Variants in ZFHX3 observed in about 807,000 individuals in gnomAD.
The protein encoded by ZFHX3 is zinc finger homeobox protein 3.
Under a neutral mutation model 279.1 loss-of-function variants are expected in ZFHX3, and 42 were observed. The ratio of observed to expected loss-of-function variants is 0.15; its 90% CI spans 0.12 to 0.19. The LOEUF is 0.19. ZFHX3 is among the 10% of genes least tolerant of loss of function. ZFHX3 has a pLI of 1.00. For missense variants in ZFHX3, 4,981 were observed against 4,754.0 expected (o/e 1.05, Z -1.40); for synonymous variants, 2,293 against 1,957.8 (o/e 1.17, Z -4.52).
intron 3 of ZFHX3, among the ~76,000 whole-genome samples, chr16:72,936,055 C>T (rs1049960627): frequency 6.6e-6 from 1 of 152,184 alleles, no homozygotes; most frequent in African/African-American, 2.4e-5. Flanking sequence ...TAATTTGACA[C>T]CAGCTGCATG....
chr16:72,909,777 C>T (rs1007156325), intron 3 of ZFHX3, among the ~76,000 whole-genome samples: 3 of 148,188 alleles, frequency 2.0e-5, no homozygotes, highest in African/African-American at 7.5e-5. Flanking sequence ...ACTTGGAGGG[C>T]TGAGGCAGGA....
intron 5 of ZFHX3, among the ~76,000 whole-genome samples, chr16:73,164,830 C>T (rs1262638571): frequency 6.6e-6 from 1 of 152,054 alleles, no homozygotes; most frequent in Non-Finnish European, 1.5e-5. Flanking sequence ...ACAATGACTT[C>T]AAGAAGTAGG....
At chr16:73,205,112 T>A (rs1007581919) in intron 5 of ZFHX3, among the ~76,000 whole-genome samples, 1 of 152,172 alleles carries the variant, frequency 6.6e-6, no homozygotes, top group Non-Finnish European at 1.5e-5. Flanking sequence ...GGACTCCAAG[T>A]GACCCTGATT....
intron 1 of ZFHX3, among the ~76,000 whole-genome samples, chr16:73,695,638 G>A (rs1479650937): frequency 2.0e-5 from 3 of 152,188 alleles, no homozygotes; most frequent in African/African-American, 4.8e-5. Flanking sequence ...TTTATTAGCA[G>A]CTTTGTCATT....
At chr16:73,597,587 A>G (rs1483937039) in intron 2 of ZFHX3, among the ~76,000 whole-genome samples, 4 of 152,306 alleles carry the variant, frequency 2.6e-5, no homozygotes, top group Middle Eastern at 3.4e-3. Context: ...GGCCATGAGA[A>G]CACACAGAGA....
At chr16:73,517,589 A>G (rs982558495) in intron 2 of ZFHX3, among the ~76,000 whole-genome samples, 7 of 152,244 alleles carry the variant, frequency 4.6e-5, no homozygotes, top group Admixed American at 3.3e-4. Flanking sequence ...GCAAAGAGTG[A>G]AACCACAATG....
chr16:73,724,342 G>A (rs957032901), intron 1 of ZFHX3, among the ~76,000 whole-genome samples: 1 of 152,204 alleles, frequency 6.6e-6, no homozygotes, highest in African/African-American at 2.4e-5. Context: ...ACTAGAACAA[G>A]ATTTGCAAAC....
intron 7 of ZFHX3, chr16:72,809,529 A>T (rs2036375415): frequency 6.6e-6 from 1 of 150,722 alleles, no homozygotes; most frequent in Non-Finnish European, 1.5e-5. Flanking sequence ...CAGAAAGTTA[A>T]TTTAACTTCA....
At chr16:73,226,797 A>C (rs924478954) in intron 5 of ZFHX3, among the ~76,000 whole-genome samples, 4 of 152,184 alleles carry the variant, frequency 2.6e-5, no homozygotes, top group Non-Finnish European at 4.4e-5. Flanking sequence ...CTTTGATTGC[A>C]CTGTTCATTC....
intron 3 of ZFHX3, among the ~76,000 whole-genome samples, chr16:73,352,456 TTCTC>T (rs561312963): frequency 0.097 from 13,010 of 134,142 alleles, 1,058 homozygotes; most frequent in Middle Eastern, 0.12. Flanking sequence ...AGCCTTTGGT[TTCTC>T]TCTCTCTCTC....
intron 2 of ZFHX3, among the ~76,000 whole-genome samples, chr16:73,642,035 G>A (rs1042048854): frequency 6.6e-6 from 1 of 151,988 alleles, no homozygotes; most frequent in Non-Finnish European, 1.5e-5. Flanking sequence ...TGTGAGGGAC[G>A]CTTCCACCAA....
At position 73,485,122 on chromosome 16, in the gene ZFHX3, G is replaced by A. The variant is rs144759402; in HGVS notation, c.-1546-28864C>T. Among the ~76,000 whole-genome samples the A allele has an allele frequency of 4.5e-3, 685 of 152,314 alleles. 3 individuals are homozygous for A. The highest frequency in any genetic ancestry group is 7.0e-3 in the Non-Finnish European group (479 of 68,014). On this transcript the variant is annotated intron_variant, in intron 2 of 17. Transcript: ENST00000641206. ...AATTAACAAAAATAGGAGGAGGACT[G>A]AAAATAGATCAGGTCATAGCAAAGT...
intron 2 of ZFHX3, among the ~76,000 whole-genome samples, chr16:73,531,119 ATG>A (rs2019793709): frequency 6.6e-6 from 1 of 152,182 alleles, no homozygotes; most frequent in Non-Finnish European, 1.5e-5. Flanking sequence ...GAGATTCAAG[ATG>A]TCTTGCCTTT....
chr16:73,060,062 C>A (rs1323349510), upstream of ZFHX3, among the ~76,000 whole-genome samples: 1 of 151,922 alleles, frequency 6.6e-6, no homozygotes, highest in Non-Finnish European at 1.5e-5. Context: ...CAGATGTTTT[C>A]AAAACACAGG....
intron 5 of ZFHX3, among the ~76,000 whole-genome samples, chr16:73,182,208 G>C (rs920419826): frequency 6.6e-6 from 1 of 152,246 alleles, no homozygotes; most frequent in African/African-American, 2.4e-5. Flanking sequence ...TGTAATCCAA[G>C]CACTTTGGGA....
At chr16:73,186,381 C>T (rs1039438349) in intron 5 of ZFHX3, among the ~76,000 whole-genome samples, 5 of 152,048 alleles carry the variant, frequency 3.3e-5, no homozygotes, top group African/African-American at 1.2e-4. Context: ...TAGAACCCCC[C>T]TCACCTAGCT....
intron 2 of ZFHX3, chr16:73,679,895 T>G (rs1236867206): frequency 6.6e-6 from 1 of 152,166 alleles, no homozygotes; most frequent in Admixed American, 6.5e-5. Flanking sequence ...AGGATTCATT[T>G]TTTCCAGACC....
At chr16:73,673,713 T>C (rs1019171564) in intron 2 of ZFHX3, among the ~76,000 whole-genome samples, 1 of 152,120 alleles carries the variant, frequency 6.6e-6, no homozygotes, top group South Asian at 2.1e-4. Flanking sequence ...AGCCTCAAAA[T>C]TGAAGTGCTG....
chr16:73,415,207 A>G (rs952076742), intron 3 of ZFHX3, among the ~76,000 whole-genome samples: 5 of 152,238 alleles, frequency 3.3e-5, no homozygotes, highest in Admixed American at 2.6e-4. Flanking sequence ...TTCTAATTGT[A>G]TATTTAAAAT....
Sources: gnomAD v4.1 joint callset for allele counts (sites outside exome capture counted in the v4.1 genomes callset) on GRCh38, gnomAD v4.1.1 for gene constraint, MANE v1.5 for transcripts, NCBI Gene and HGNC (gene_info 2026-07-23, HGNC 2026-07-21) for gene names.